The following PRKCE variants were observed in gnomAD, a reference collection of about 807,000 sequenced individuals.
PRKCE encodes the protein protein kinase C epsilon type.
PRKCE carries 16 observed loss-of-function variants against 85.4 expected under a neutral mutation model. That is an observed-to-expected ratio of 0.19 (90% CI 0.13 to 0.28). PRKCE has a LOEUF of 0.28. Among genes scored for constraint, PRKCE ranks in the 10% least tolerant of loss-of-function variants. The pLI is 1.00. For synonymous variants in PRKCE, 388 were observed against 371.5 expected (o/e 1.04, Z -0.51); for missense variants, 573 against 975.2 (o/e 0.59, Z 5.49).
rs1014733439 is a variant in PRKCE at position 45,765,042 on chromosome 2, C to A, written c.349-77958C>A. Among the ~76,000 whole-genome samples, 25 of 152,248 alleles carry A rather than the reference C, an allele frequency of 1.6e-4. 1 individual carries two copies. Among genetic ancestry groups the A allele is most frequent in the African/African-American group, 5.3e-4 (22 of 41,556 alleles). Reference sequence around the variant, plus strand: ...TCCTCCCTGTGGCTTTGGCCTGGTACAGTCCAAAATGCCAGCCGCTCAAAA... The same window carrying A: ...TCCTCCCTGTGGCTTTGGCCTGGTAAAGTCCAAAATGCCAGCCGCTCAAAA... On this transcript the variant is annotated intron_variant, in intron 1 of 14. Coordinates refer to ENST00000306156, the MANE Select transcript of PRKCE (RefSeq NM_005400.3).
At chr2:46,136,653 G>A (rs748865658) in intron 11 of PRKCE, among the ~76,000 whole-genome samples, 1 of 152,192 alleles carries the variant, frequency 6.6e-6, no homozygotes, top group African/African-American at 2.4e-5. Flanking sequence ...CACAGTGGCA[G>A]CCAGTCCTGA....
Position 45,661,531 on chromosome 2 carries a change from T to TG in PRKCE, c.348+9083_348+9084insG, listed in dbSNP as rs1439230639. ...GTTTTGTTTTGTTTTTTGTTTTTTG[T>TG]TTTTTTTTTTTTTTTTAGAAGGAGT... On this transcript the variant is annotated intron_variant, in intron 1 of 14. Transcript: ENST00000306156. Among the ~76,000 whole-genome samples, 34 of 97,828 alleles carry TG rather than the reference T, an allele frequency of 3.5e-4. 1 individual carries two copies. The highest frequency in any genetic ancestry group is 5.6e-4 in the Non-Finnish European group (29 of 52,066). The allele number at this position is 97,828 out of a possible 152,430, so 64.2% of individuals were successfully genotyped here.
intron 5 of PRKCE, among the ~76,000 whole-genome samples, chr2:45,980,714 G>A (rs1702820139): frequency 6.6e-6 from 1 of 150,670 alleles, no homozygotes; most frequent in Admixed American, 6.7e-5. Context: ...CTCCTCACAG[G>A]TAATAAACAG....
chr2:46,039,156 T>A (rs1708066868), intron 10 of PRKCE, among the ~76,000 whole-genome samples: 1 of 152,220 alleles, frequency 6.6e-6, no homozygotes, highest in South Asian at 2.1e-4. Context: ...ATAATAGTAA[T>A]GAATAGACTA....
intron 11 of PRKCE, among the ~76,000 whole-genome samples, chr2:46,127,489 A>G (rs1673976966): frequency 6.6e-6 from 1 of 152,262 alleles, no homozygotes; most frequent in Non-Finnish European, 1.5e-5. Context: ...CTTAGGGCAT[A>G]GAAGCCCACT....
intron 2 of PRKCE, among the ~76,000 whole-genome samples, chr2:45,908,081 A>G (rs1043379230): frequency 6.6e-6 from 1 of 152,166 alleles, no homozygotes; most frequent in Non-Finnish European, 1.5e-5. Flanking sequence ...ATGGATGGGC[A>G]GGAATGGAAG....
chr2:46,076,233 C>T (rs1288146479), intron 10 of PRKCE, among the ~76,000 whole-genome samples: 1 of 152,202 alleles, frequency 6.6e-6, no homozygotes, highest in African/African-American at 2.4e-5. Context: ...CAGGAGATCG[C>T]TCTGGTGGTC....
intron 5 of PRKCE, 70 bp downstream of exon 5, chr2:45,980,451 G>A (rs895216374): frequency 2.8e-6 from 4 of 1,434,704 alleles, no homozygotes; most frequent in Admixed American, 1.7e-5. Context: ...CCTCTTCTGT[G>A]GTTCCCAAGA....
intron 14 of PRKCE, among the ~76,000 whole-genome samples, chr2:46,161,744 G>A (rs1246822622): frequency 6.6e-6 from 1 of 152,082 alleles, no homozygotes; most frequent in African/African-American, 2.4e-5. Context: ...GCACAGAGGA[G>A]GTTTTAGAGT....
At position 45,980,384 on chromosome 2, in the gene PRKCE, A is replaced by G. The variant is rs942499496; in HGVS notation, c.693+3A>G. On this transcript the variant is annotated splice_donor_region_variant and intron_variant, in intron 5 of 14. Coordinates refer to ENST00000306156, the MANE Select transcript of PRKCE (RefSeq NM_005400.3). ...AGAAGCAGGAGACCCCCGACCAGGT[A>G]AGTGTTGGTGACACGGAAATTCTGG... The G allele has an allele frequency of 1.9e-6, 3 of 1,599,504 alleles. No homozygotes were observed. The African/African-American group carries it at 4.0e-5, about 21-fold the overall frequency.
At chr2:46,022,806 G>C (rs193277657) in intron 10 of PRKCE, among the ~76,000 whole-genome samples, 1 of 152,290 alleles carries the variant, frequency 6.6e-6, no homozygotes, top group Non-Finnish European at 1.5e-5. Flanking sequence ...ATCATCGGCC[G>C]GGCGCGGTGG....
At chr2:46,176,966 C>T (rs1232799213) in intron 14 of PRKCE, among the ~76,000 whole-genome samples, 12 of 152,110 alleles carry the variant, frequency 7.9e-5, no homozygotes, top group Admixed American at 7.9e-4. Flanking sequence ...TACCTATAAC[C>T]CTCAGAAAGC....
chr2:46,157,226 A>T (rs915490550), intron 13 of PRKCE, among the ~76,000 whole-genome samples: 1 of 152,146 alleles, frequency 6.6e-6, no homozygotes, highest in African/African-American at 2.4e-5. Flanking sequence ...AACTAAAGGA[A>T]AACCTCAGCC....
chr2:46,161,901 G>T (rs2104592618), intron 14 of PRKCE, among the ~76,000 whole-genome samples: 1 of 152,262 alleles, frequency 6.6e-6, no homozygotes, highest in Admixed American at 6.5e-5. Flanking sequence ...CTTCTGAGAG[G>T]CATCCCTCTT....
At chr2:45,664,605 A>G (rs373789079) in intron 1 of PRKCE, among the ~76,000 whole-genome samples, 27 of 152,316 alleles carry the variant, frequency 1.8e-4, no homozygotes, top group East Asian at 7.7e-4. Flanking sequence ...CAGAACTACA[A>G]TTTCACACTT....
In PRKCE at chr2:45,677,352, G is replaced by GT. The variant is rs1209642358; in HGVS notation, c.348+24919dup. On this transcript the variant is annotated intron_variant, in intron 1 of 14. Coordinates refer to ENST00000306156, the MANE Select transcript of PRKCE (RefSeq NM_005400.3). The stretch of plus-strand genomic sequence containing the variant: ...TTTTGTTTTTTTTTTTGTTGTTGTT[G>GT]TTTTTTTTTTTTTTTGAGACGGAGT... Among the ~76,000 whole-genome samples, 643 of 140,834 alleles carry GT rather than the reference G, an allele frequency of 4.6e-3. 23 individuals are homozygous for GT. The highest frequency in any genetic ancestry group is 0.033 in the Admixed American group (457 of 13,846). 92.4% of individuals were successfully genotyped at this position (140,834 alleles called of 152,430 possible).
At chr2:46,044,601 T>A (rs959595707) in intron 10 of PRKCE, among the ~76,000 whole-genome samples, 1 of 152,238 alleles carries the variant, frequency 6.6e-6, no homozygotes, top group Non-Finnish European at 1.5e-5. Flanking sequence ...TTATTAAATT[T>A]AGGATTTATG....
intron 2 of PRKCE, among the ~76,000 whole-genome samples, chr2:45,955,684 G>A (rs1466170462): frequency 6.6e-6 from 1 of 151,998 alleles, no homozygotes; most frequent in Non-Finnish European, 1.5e-5. Context: ...ATAAATAAAT[G>A]CTTTAGGCAG....
At chr2:46,140,905 C>A (rs893965255) in intron 11 of PRKCE, among the ~76,000 whole-genome samples, 1 of 152,070 alleles carries the variant, frequency 6.6e-6, no homozygotes, top group Non-Finnish European at 1.5e-5. Context: ...CTTTTGAATA[C>A]ATGAAAACAT....
Sources: gnomAD v4.1 joint callset for allele counts (sites outside exome capture counted in the v4.1 genomes callset) on GRCh38, gnomAD v4.1.1 for gene constraint, MANE v1.5 for transcripts, NCBI Gene and HGNC (gene_info 2026-07-23, HGNC 2026-07-21) for gene names.